ASPRV1: variants seen among roughly 807,000 people sequenced by gnomAD.
ASPRV1 encodes aspartic peptidase retroviral like 1, also known as retroviral-like aspartic protease 1.
In ASPRV1, 7 loss-of-function variants were observed where a neutral mutation model predicts 11.0. The observed-to-expected ratio is 0.64, with a 90% CI of 0.36 to 1.20. ASPRV1 has a LOEUF of 1.20. Ranked by LOEUF, ASPRV1 falls within the 50% of genes most tolerant of loss-of-function variation. The pLI, the probability that ASPRV1 is intolerant of heterozygous loss-of-function variation, is 0.02. For missense variants in ASPRV1, 299 were observed against 320.0 expected (o/e 0.93, Z 0.50); for synonymous variants, 136 against 138.4 (o/e 0.98, Z 0.12).
At chr2:70,081,948 TA>T in the ASPRV1 span, among the ~76,000 whole-genome samples, 8 of 146,864 alleles carry the variant, frequency 5.4e-5, no homozygotes, top group East Asian at 5.9e-4. Context: ...AGAAACCACT[TA>T]AAAAAAAAAG....
the ASPRV1 span, among the ~76,000 whole-genome samples, chr2:69,936,420 C>A: frequency 1.3e-4 from 20 of 152,120 alleles, no homozygotes; most frequent in African/African-American, 4.6e-4. Context: ...CTCTTTGCTA[C>A]CTGAATAGCA....
the ASPRV1 span, among the ~76,000 whole-genome samples, chr2:70,047,525 T>C: frequency 6.6e-6 from 1 of 152,124 alleles, no homozygotes; most frequent in Admixed American, 6.5e-5. Flanking sequence ...AAACACAAAA[T>C]TGTCTACTGA....
downstream of ASPRV1, among the ~76,000 whole-genome samples, chr2:69,956,747 C>T (rs1677950572): frequency 6.6e-6 from 1 of 152,112 alleles, no homozygotes; most frequent in South Asian, 2.1e-4. Context: ...GGAGTAAAAA[C>T]CTGGCAAACA....
the ASPRV1 span, among the ~76,000 whole-genome samples, chr2:70,055,445 T>C: frequency 6.6e-5 from 10 of 152,186 alleles, no homozygotes; most frequent in African/African-American, 2.4e-4. Context: ...TGGAATACTA[T>C]GCAGCCATAA....
chr2:70,010,471 G>A, the ASPRV1 span, among the ~76,000 whole-genome samples: 6 of 152,274 alleles, frequency 3.9e-5, no homozygotes, highest in East Asian at 1.9e-4. Context: ...AGCAAGCAGC[G>A]TTGGGGGGAA....
In ASPRV1 at chr2:69,960,610, G is replaced by T. The variant is rs199993428; in HGVS notation, c.*47C>A. The stretch of plus-strand genomic sequence containing the variant: ...AGGATATGCAACCCCCCCCACAGCG[G>T]TGGGTCTTCCCACCAATATTTAGGA... On this transcript the variant is annotated 3_prime_UTR_variant, in exon 1 of 1. Transcript: ENST00000320256. The T allele has an allele frequency of 7.1e-6, 11 of 1,552,452 alleles. No individual in the cohort carries two copies. In the East Asian group the frequency reaches 2.2e-4, roughly 32 times the overall value.
At chr2:70,000,450 A>C in the ASPRV1 span, 4 of 152,000 alleles carry the variant, frequency 2.6e-5, no homozygotes, top group Non-Finnish European at 4.4e-5. Flanking sequence ...TAATAATAAT[A>C]AACTACACAA....
chr2:70,013,740 G>T, the ASPRV1 span, among the ~76,000 whole-genome samples: 1 of 152,150 alleles, frequency 6.6e-6, no homozygotes, highest in Non-Finnish European at 1.5e-5. Context: ...AATTAGCCGG[G>T]TGTGGTGGTG....
the ASPRV1 span, among the ~76,000 whole-genome samples, chr2:70,035,586 C>A: frequency 1.3e-5 from 2 of 151,314 alleles, no homozygotes; most frequent in Admixed American, 1.3e-4. Context: ...TCTTAGCAGA[C>A]ACCAGTCTAG....
the ASPRV1 span, among the ~76,000 whole-genome samples, chr2:69,967,277 G>A: frequency 6.6e-6 from 1 of 152,212 alleles, no homozygotes; most frequent in Non-Finnish European, 1.5e-5. Context: ...AGCATAGGAG[G>A]TGCGGGGCAC....
the ASPRV1 span, chr2:69,938,300 G>A: frequency 1.2e-4 from 189 of 1,612,228 alleles, no homozygotes; most frequent in Non-Finnish European, 1.3e-4. Flanking sequence ...TGGGCACTGC[G>A]GCTGTCTCCT....
chr2:69,949,396 G>A, the ASPRV1 span, among the ~76,000 whole-genome samples: 2 of 152,184 alleles, frequency 1.3e-5, no homozygotes, highest in Non-Finnish European at 2.9e-5. Context: ...CCAAGCAGAG[G>A]TGATGAAACA....
At chr2:70,005,551 T>G in the ASPRV1 span, among the ~76,000 whole-genome samples, 1 of 152,228 alleles carries the variant, frequency 6.6e-6, no homozygotes, top group Admixed American at 6.5e-5. Flanking sequence ...TTCCTTCTTG[T>G]CAGCTTATTT....
the ASPRV1 span, among the ~76,000 whole-genome samples, chr2:69,998,359 AAAAG>A: frequency 4.6e-5 from 7 of 152,180 alleles, no homozygotes; most frequent in Non-Finnish European, 1.5e-5. Context: ...CTTAAAAAAA[AAAAG>A]AACCTAGCAA....
the ASPRV1 span, chr2:70,046,456 T>C: frequency 6.6e-6 from 1 of 152,190 alleles, no homozygotes; most frequent in Non-Finnish European, 1.5e-5. Flanking sequence ...ACATACAGGA[T>C]CACAGAAGCA....
chr2:69,988,263 A>G, the ASPRV1 span, among the ~76,000 whole-genome samples: 1 of 152,228 alleles, frequency 6.6e-6, no homozygotes, highest in African/African-American at 2.4e-5. Flanking sequence ...AGGAAGAAAC[A>G]ACCCAAGCGC....
At chr2:70,023,745 T>C in the ASPRV1 span, among the ~76,000 whole-genome samples, 1 of 152,318 alleles carries the variant, frequency 6.6e-6, no homozygotes, top group East Asian at 1.9e-4. Flanking sequence ...ACCATGTAGA[T>C]TTCTTTTTTA....
the ASPRV1 span, among the ~76,000 whole-genome samples, chr2:70,038,081 G>C: frequency 6.6e-6 from 1 of 152,096 alleles, no homozygotes; most frequent in Non-Finnish European, 1.5e-5. Context: ...TGCTTTTATT[G>C]TTGCTTTTAC....
At chr2:70,081,388 G>A in the ASPRV1 span, 1 of 151,930 alleles carries the variant, frequency 6.6e-6, no homozygotes, top group Non-Finnish European at 1.5e-5. Context: ...CCAGCTACTC[G>A]GGTTGCTGAG....
Sources: allele counts gnomAD v4.1 joint callset (sites outside exome capture counted in the v4.1 genomes callset), GRCh38; gene constraint gnomAD v4.1.1; transcripts MANE v1.5; gene names NCBI Gene and HGNC (gene_info 2026-07-23, HGNC 2026-07-21).